The following CUX2 variants were observed in gnomAD, a reference collection of about 807,000 sequenced individuals.
CUX2 encodes the protein homeobox protein cut-like 2.
CUX2 carries 40 observed loss-of-function variants against 144.8 expected under a neutral mutation model. That is an observed-to-expected ratio of 0.28 (90% CI 0.21 to 0.36). The LOEUF is 0.36. CUX2 is among the 10% of genes least tolerant of loss of function. The pLI, the probability that CUX2 is intolerant of heterozygous loss-of-function variation, is 1.00. For missense variants in CUX2, 1,615 were observed against 1,994.0 expected (o/e 0.81, Z 3.62); for synonymous variants, 827 against 875.6 (o/e 0.94, Z 0.98).
chr12:111,155,718 C>T (rs180722135), intron 1 of CUX2, among the ~76,000 whole-genome samples: 179 of 152,294 alleles, frequency 1.2e-3, no homozygotes, highest in Non-Finnish European at 2.1e-3. Flanking sequence ...CGCCACCACA[C>T]GCTCTCAGGC....
chr12:111,122,629 G>GGCAA (rs1874759200), intron 1 of CUX2, among the ~76,000 whole-genome samples: 2 of 152,190 alleles, frequency 1.3e-5, no homozygotes, highest in South Asian at 4.1e-4. Context: ...TTGTTCTGTT[G>GGCAA]GCGTCTGCAA....
chr12:111,221,912 TC>T (rs901423655), intron 3 of CUX2, among the ~76,000 whole-genome samples: 22 of 152,056 alleles, frequency 1.4e-4, no homozygotes, highest in African/African-American at 5.3e-4. Context: ...AGTTTAGATT[TC>T]TCCTGTTCAG....
chr12:111,149,092 G>C (rs916390915), intron 1 of CUX2, among the ~76,000 whole-genome samples: 1 of 152,126 alleles, frequency 6.6e-6, no homozygotes, highest in Admixed American at 6.5e-5. Context: ...TTTCTCCAAA[G>C]TCACACAGCC....
chr12:111,059,224 G>A lies in CUX2; in HGVS notation c.63+24984G>A, dbSNP rs556448794. On this transcript the variant is annotated intron_variant, in intron 1 of 21. Transcript: ENST00000261726. This position sits in a 1 kb window ranked among gnomAD's most constrained non-coding sequence, Gnocchi z 5.3. The stretch of plus-strand genomic sequence containing the variant: ...TGGCACCTGCCACACTGGTCAGCTG[G>A]AGGGGGCCCCTCTTTGCAGGGCTTC... 2.0e-5 allele frequency among the ~76,000 whole-genome samples: 3 copies of A among 152,362 alleles called. No homozygotes were observed. The highest frequency in any genetic ancestry group is 7.2e-5 in the African/African-American group (3 of 41,594).
rs1871099451 is a variant in CUX2, at chr12:111,068,161, A to G, written c.63+33921A>G. Among the ~76,000 whole-genome samples the G allele has an allele frequency of 6.6e-6, 1 of 152,000 alleles. No homozygotes were observed. The highest frequency in any genetic ancestry group is 2.4e-5 in the African/African-American group (1 of 41,378). On this transcript the variant is annotated intron_variant, in intron 1 of 21. Transcript: ENST00000261726. The surrounding 1 kb of genome is among the most constrained non-coding windows in gnomAD (Gnocchi z 4.9). ...CGTTCTGCATAGTTCTCCCCGCTTT[A>G]TCTTTGATCTCAAAAAAAGATCATC...
In CUX2 at chr12:111,108,860, A is replaced by G. The variant is rs1873769143; in HGVS notation, c.63+74620A>G. On this transcript the variant is annotated intron_variant, in intron 1 of 21. Transcript: ENST00000261726. ...TGGCTGAGTGCATCTTCATGGTGTC[A>G]TTTAATGCTCTCCTCCATCCCCTGG... 2.0e-5 allele frequency among the ~76,000 whole-genome samples: 3 copies of G among 152,056 alleles called. No individual in the cohort carries two copies. In the South Asian group the frequency reaches 6.2e-4, roughly 32 times the overall value.
intron 1 of CUX2, among the ~76,000 whole-genome samples, chr12:111,040,873 C>T (rs988399706): frequency 2.6e-5 from 4 of 152,194 alleles, no homozygotes; most frequent in African/African-American, 7.2e-5. Flanking sequence ...TTTATACAAA[C>T]AGGCAGGGGG....
At chr12:111,047,076 T>C (rs1022546451) in intron 1 of CUX2, among the ~76,000 whole-genome samples, 11 of 152,148 alleles carry the variant, frequency 7.2e-5, no homozygotes, top group Non-Finnish European at 1.5e-5. Context: ...AAGCTCCCGG[T>C]TCCCAGCGTG....
intron 1 of CUX2, among the ~76,000 whole-genome samples, chr12:111,094,349 G>T (rs1364968259): frequency 6.6e-6 from 1 of 152,208 alleles, no homozygotes; most frequent in Non-Finnish European, 1.5e-5. Flanking sequence ...CGGGGACCGG[G>T]AGCGGGCAGA....
intron 1 of CUX2, among the ~76,000 whole-genome samples, chr12:111,117,126 A>C (rs1021303680): frequency 2.6e-5 from 4 of 152,194 alleles, no homozygotes; most frequent in Non-Finnish European, 1.5e-5. Flanking sequence ...GGTTTTGGAG[A>C]ATATGGTGAT....
intron 1 of CUX2, among the ~76,000 whole-genome samples, chr12:111,184,324 C>T (rs992830164): frequency 6.6e-6 from 1 of 151,946 alleles, no homozygotes. Context: ...AACCTGTTTC[C>T]ACAAGGTGGG....
intron 1 of CUX2, among the ~76,000 whole-genome samples, chr12:111,205,248 AG>A (rs1466168275): frequency 6.6e-6 from 1 of 152,028 alleles, no homozygotes; most frequent in Non-Finnish European, 1.5e-5. Context: ...GCCCCTCTGA[AG>A]GCGACACTCC....
intron 1 of CUX2, among the ~76,000 whole-genome samples, chr12:111,209,676 C>G (rs1276341448): frequency 6.6e-6 from 1 of 152,098 alleles, no homozygotes; most frequent in Non-Finnish European, 1.5e-5. Context: ...GGCAAACCCT[C>G]TCAGAGACAG....
chr12:111,179,600 G>A (rs1879043618), intron 1 of CUX2, among the ~76,000 whole-genome samples: 1 of 151,826 alleles, frequency 6.6e-6, no homozygotes, highest in Non-Finnish European at 1.5e-5. Flanking sequence ...CGTGGTTGTT[G>A]TTGTTGTTGT....
intron 1 of CUX2, among the ~76,000 whole-genome samples, chr12:111,202,072 C>A (rs1880629482): frequency 1.3e-5 from 2 of 152,320 alleles, no homozygotes; most frequent in South Asian, 4.1e-4. Context: ...GCCACTGTGG[C>A]CCCTAGCAAA....
intron 3 of CUX2, among the ~76,000 whole-genome samples, chr12:111,244,818 C>T (rs1239208427): frequency 6.6e-6 from 1 of 152,156 alleles, no homozygotes; most frequent in Non-Finnish European, 1.5e-5. Flanking sequence ...AACCTCAGCC[C>T]ATGTCATTGG....
intron 1 of CUX2, among the ~76,000 whole-genome samples, chr12:111,196,395 A>G (rs974620639): frequency 6.6e-6 from 1 of 152,184 alleles, no homozygotes; most frequent in African/African-American, 2.4e-5. Context: ...AGATACATTT[A>G]TGTCTAACTT....
At chr12:111,346,553 T>C (rs918785231) in intron 21 of CUX2, among the ~76,000 whole-genome samples, 1 of 152,172 alleles carries the variant, frequency 6.6e-6, no homozygotes, top group Non-Finnish European at 1.5e-5. Flanking sequence ...CCCATTATTA[T>C]TATGTTTGTA....
At chr12:111,268,728 A>C (rs1884504136) in intron 4 of CUX2, among the ~76,000 whole-genome samples, 1 of 152,222 alleles carries the variant, frequency 6.6e-6, no homozygotes, top group Admixed American at 6.5e-5. Flanking sequence ...CAGTGGCACC[A>C]TTCCTTGCCG....
Sources: allele counts gnomAD v4.1 joint callset (sites outside exome capture counted in the v4.1 genomes callset), GRCh38; gene constraint gnomAD v4.1.1; non-coding constraint Gnocchi (gnomAD v3.1); transcripts MANE v1.5; gene names NCBI Gene and HGNC (gene_info 2026-07-23, HGNC 2026-07-21).